KCNMA1: variants seen among roughly 807,000 people sequenced by gnomAD.
KCNMA1 encodes Calcium-activated potassium channel subunit alpha-1.
In KCNMA1, 29 loss-of-function variants were observed where a neutral mutation model predicts 140.0. The ratio of observed to expected loss-of-function variants is 0.21; its 90% CI spans 0.15 to 0.28. The LOEUF is 0.28. Ranked by LOEUF, KCNMA1 falls within the 10% of genes least tolerant of loss-of-function variation. KCNMA1 has a pLI of 1.00. For synonymous variants in KCNMA1, 612 were observed against 611.9 expected, an observed-to-expected ratio of 1.00 and a Z score of 0.00; for missense variants, 880 against 1,602.2, an observed-to-expected ratio of 0.55 and a Z score of 7.70.
chr10:76,988,037 G>A (rs1312435345), intron 19 of KCNMA1, among the ~76,000 whole-genome samples: 3 of 152,172 alleles, frequency 2.0e-5, no homozygotes, highest in African/African-American at 7.2e-5. Context: ...CAGTGCCACT[G>A]GCAATGGTGA....
At chr10:77,489,315 T>TTTATTTATTTATTTTTTA (rs1311084577) in intron 1 of KCNMA1, among the ~76,000 whole-genome samples, 1 of 152,056 alleles carries the variant, frequency 6.6e-6, no homozygotes, top group African/African-American at 2.4e-5. Flanking sequence ...TTATTTTCTT[T>TTTATTTATTTATTTTTTA]TTATTTATTT....
intron 1 of KCNMA1, among the ~76,000 whole-genome samples, chr10:77,609,207 A>C (rs1481189864): frequency 1.3e-5 from 2 of 152,240 alleles, no homozygotes; most frequent in Non-Finnish European, 2.9e-5. Context: ...GTGCCCACCA[A>C]CGGATGATGG....
intron 2 of KCNMA1, among the ~76,000 whole-genome samples, chr10:77,369,215 G>T (rs568042907): frequency 6.6e-6 from 1 of 152,226 alleles, no homozygotes; most frequent in Non-Finnish European, 1.5e-5. Context: ...CTCAGAATCT[G>T]CATCTTAACA....
intron 1 of KCNMA1, among the ~76,000 whole-genome samples, chr10:77,610,794 A>G (rs1012399607): frequency 3.9e-5 from 6 of 152,262 alleles, no homozygotes; most frequent in Non-Finnish European, 7.3e-5. Flanking sequence ...AAATGTAGAT[A>G]ATAATGATGG....
At chr10:77,141,406 C>G (rs2098166749) in intron 5 of KCNMA1, among the ~76,000 whole-genome samples, 2 of 152,128 alleles carry the variant, frequency 1.3e-5, no homozygotes, top group African/African-American at 4.8e-5. Context: ...TAGACAAGAT[C>G]ATGAGGATAG....
intron 2 of KCNMA1, among the ~76,000 whole-genome samples, chr10:77,339,903 T>C (rs576077781): frequency 3.5e-4 from 53 of 152,276 alleles, no homozygotes; most frequent in Non-Finnish European, 6.5e-4. Flanking sequence ...GCTCTCCATC[T>C]CTCTTGCAGC....
chr10:77,158,525 A>T (rs1005370987), intron 5 of KCNMA1, among the ~76,000 whole-genome samples: 3 of 151,862 alleles, frequency 2.0e-5, no homozygotes, highest in Admixed American at 6.6e-5. Context: ...TGTGAATCTG[A>T]TATTCCCCAT....
chr10:76,953,379 A>T (rs1376252305), intron 21 of KCNMA1, among the ~76,000 whole-genome samples: 2 of 152,326 alleles, frequency 1.3e-5, no homozygotes, highest in Admixed American at 1.3e-4. Flanking sequence ...TTTAATCTTC[A>T]CTACAGCCCT....
chr10:77,566,534 G>T (rs187237594), intron 1 of KCNMA1, among the ~76,000 whole-genome samples: 1 of 152,328 alleles, frequency 6.6e-6, no homozygotes, highest in Middle Eastern at 3.4e-3. Context: ...CCTGCAGGCT[G>T]AGCCCCCATC....
intron 1 of KCNMA1, among the ~76,000 whole-genome samples, chr10:77,455,927 A>C (rs1051565609): frequency 1.3e-5 from 2 of 152,174 alleles, no homozygotes; most frequent in African/African-American, 2.4e-5. Flanking sequence ...AAATAAACAA[A>C]ATAAATTAAG....
intron 21 of KCNMA1, among the ~76,000 whole-genome samples, chr10:76,950,268 A>C (rs1319640655): frequency 6.6e-6 from 1 of 152,170 alleles, no homozygotes; most frequent in African/African-American, 2.4e-5. Context: ...ACATTTCTGG[A>C]GGGGCCTGTT....
intron 2 of KCNMA1, among the ~76,000 whole-genome samples, chr10:77,274,612 T>C (rs2066103171): frequency 6.6e-6 from 1 of 152,132 alleles, no homozygotes. Flanking sequence ...AGCCCCACTA[T>C]TTCATCCCAG....
At position 77,476,777 on chromosome 10, in the gene KCNMA1, A is replaced by G. The variant is rs192386929; in HGVS notation, c.379-72754T>C. 2.2e-4 allele frequency among the ~76,000 whole-genome samples: 34 copies of G among 152,352 alleles called. No homozygotes were observed. The East Asian group carries it at 6.4e-3, about 28-fold the overall frequency. On this transcript the variant is annotated intron_variant, in intron 1 of 27. Transcript: ENST00000286628. The stretch of plus-strand genomic sequence containing the variant: ...TGCAGACTTGGAAAGGCCAGCATGC[A>G]AAAGAGGTCGGGGCACCTCCTTGTT...
chr10:77,425,025 G>T (rs907839381), intron 1 of KCNMA1, among the ~76,000 whole-genome samples: 1 of 152,308 alleles, frequency 6.6e-6, no homozygotes, highest in African/African-American at 2.4e-5. Flanking sequence ...GCAGGCACCT[G>T]GGAGGTATGT....
intron 14 of KCNMA1, among the ~76,000 whole-genome samples, chr10:77,060,110 G>A (rs1047824183): frequency 1.3e-5 from 2 of 152,132 alleles, no homozygotes; most frequent in African/African-American, 4.8e-5. Context: ...TGGAAGATAC[G>A]ACATAGTAAA....
At chr10:77,120,931 T>A (rs573025302) in intron 6 of KCNMA1, 42 bp downstream of exon 6, 9 of 1,108,628 alleles carry the variant, frequency 8.1e-6, no homozygotes, top group Non-Finnish European at 1.2e-5. Flanking sequence ...CAACTTGGCA[T>A]AGGGGACTGG....
chr10:77,621,587 T>A (rs2091418592), intron 1 of KCNMA1, among the ~76,000 whole-genome samples: 1 of 152,044 alleles, frequency 6.6e-6, no homozygotes, highest in African/African-American at 2.4e-5. Context: ...AAATTCTGCA[T>A]CCTACCTCCA....
At chr10:77,413,151 G>T (rs552834371) in intron 1 of KCNMA1, among the ~76,000 whole-genome samples, 7 of 152,052 alleles carry the variant, frequency 4.6e-5, no homozygotes, top group Non-Finnish European at 7.4e-5. Flanking sequence ...GAGCCACCTC[G>T]CCCGGCCCCA....
intron 1 of KCNMA1, among the ~76,000 whole-genome samples, chr10:77,477,248 G>A (rs1036396661): frequency 1.3e-5 from 2 of 152,176 alleles, no homozygotes; most frequent in Non-Finnish European, 2.9e-5. Context: ...ATCATAACAC[G>A]AAACACTGAA....
Sources: gnomAD v4.1 joint callset for allele counts (sites outside exome capture counted in the v4.1 genomes callset) on GRCh38, gnomAD v4.1.1 for gene constraint, MANE v1.5 for transcripts, NCBI Gene and HGNC (gene_info 2026-07-23, HGNC 2026-07-21) for gene names.